Variants in DEPDC1B observed in about 807,000 individuals in gnomAD.
DEPDC1B encodes DEP domain-containing protein 1B.
Under a neutral mutation model 66.5 loss-of-function variants are expected in DEPDC1B, and 51 were observed. The ratio of observed to expected loss-of-function variants is 0.77; its 90% CI spans 0.61 to 0.97. DEPDC1B has a LOEUF of 0.97. DEPDC1B is among the 50% of genes least tolerant of loss of function. The pLI, the probability that DEPDC1B is intolerant of heterozygous loss-of-function variation, is 0.00. For missense variants in DEPDC1B, 552 were observed against 637.1 expected, an observed-to-expected ratio of 0.87 and a Z score of 1.44; for synonymous variants, 226 against 223.6, an observed-to-expected ratio of 1.01 and a Z score of -0.10.
intron 2 of DEPDC1B, among the ~76,000 whole-genome samples, chr5:60,668,085 TTATATATATATATAAAATGGATATTTTA>T: frequency 2.2e-5 from 1 of 45,010 alleles, no homozygotes; most frequent in Non-Finnish European, 3.8e-5. Flanking sequence ...AATGGATATT[TTATATATATATATAAAATGGATATTTTA>T]TATATATATA....
At chr5:60,677,697 C>T (rs1754202436) in intron 2 of DEPDC1B, among the ~76,000 whole-genome samples, 1 of 152,020 alleles carries the variant, frequency 6.6e-6, no homozygotes. Context: ...CACCACTTCA[C>T]CTAACTAAAC....
At position 60,603,415 on chromosome 5, in the gene DEPDC1B, A is replaced by G. The variant is rs762211581; in HGVS notation, c.1218T>C (p.Arg406=). ...CCTGGACTCTTCGTAGATGAGCCAC[A>G]CGCTCCTCTATAGAGGTCTGCAAGG... ...PLALQTSIEE[R]VAHLRRVQIK... Residue 406 remains arginine (R), a synonymous_variant, in exon 9 of 11, where the codon CGT becomes CGC. Coordinates refer to ENST00000265036, the MANE Select transcript of DEPDC1B (RefSeq NM_018369.3). 18 of 1,591,690 alleles carry G rather than the reference A, an allele frequency of 1.1e-5. No individual in the cohort carries two copies. The highest frequency in any genetic ancestry group is 1.5e-5 in the Non-Finnish European group (18 of 1,173,432).
At chr5:60,670,801 A>G (rs1754017785) in intron 2 of DEPDC1B, among the ~76,000 whole-genome samples, 1 of 152,160 alleles carries the variant, frequency 6.6e-6, no homozygotes, top group Non-Finnish European at 1.5e-5. Flanking sequence ...CAGTCTTGTT[A>G]CTCAAAGGGA....
chr5:60,602,776 C>T lies in DEPDC1B; in HGVS notation c.1242+615G>A, dbSNP rs1026594418. Among the ~76,000 whole-genome samples, 8 of 152,150 alleles carry T rather than the reference C, an allele frequency of 5.3e-5. No homozygotes were observed. The South Asian group carries it at 6.2e-4, about 12-fold the overall frequency. On this transcript the variant is annotated intron_variant, in intron 9 of 10. Coordinates refer to ENST00000265036, the MANE Select transcript of DEPDC1B (RefSeq NM_018369.3). ...ATAAAGAAAGAATAGCCCATTTTAA[C>T]GCCTGAGGAAAGAAAGTAAAATCCA...
chr5:60,615,081 A>T (rs930733448), intron 7 of DEPDC1B, among the ~76,000 whole-genome samples: 6 of 152,236 alleles, frequency 3.9e-5, no homozygotes, highest in African/African-American at 1.2e-4. Context: ...TACTTCATGC[A>T]CATACATGAC....
At position 60,654,556 on chromosome 5, in the gene DEPDC1B, G is replaced by A. The variant is rs188105275; in HGVS notation, c.315-7023C>T. Reference sequence around the variant, plus strand: ...AGTCTTTAAGGTTTTCTATGTATACGATCATATCATCAAGAAACAGTGACA... The same window carrying A: ...AGTCTTTAAGGTTTTCTATGTATACAATCATATCATCAAGAAACAGTGACA... On this transcript the variant is annotated intron_variant, in intron 2 of 10. Coordinates refer to ENST00000265036, the MANE Select transcript of DEPDC1B (RefSeq NM_018369.3). Among the ~76,000 whole-genome samples the A allele has an allele frequency of 2.0e-5, 3 of 148,554 alleles. 1 individual carries two copies. Among genetic ancestry groups the A allele is most frequent in the African/African-American group, 2.5e-5 (1 of 39,290 alleles).
At chr5:60,621,284 A>G (rs1287673430) in intron 7 of DEPDC1B, among the ~76,000 whole-genome samples, 1 of 151,790 alleles carries the variant, frequency 6.6e-6, no homozygotes, top group Non-Finnish European at 1.5e-5. Flanking sequence ...CTTAAAGTAT[A>G]ATAATAAAAT....
intron 7 of DEPDC1B, among the ~76,000 whole-genome samples, chr5:60,621,692 T>G (rs1276074564): frequency 6.6e-6 from 1 of 152,038 alleles, no homozygotes. Context: ...CCCTAGAACT[T>G]AAAGTATTAA....
intron 7 of DEPDC1B, among the ~76,000 whole-genome samples, chr5:60,612,609 G>A (rs185230599): frequency 6.6e-6 from 1 of 150,580 alleles, no homozygotes; most frequent in African/African-American, 2.4e-5. Flanking sequence ...TTGTCTGAGG[G>A]TCCTGCAGGG....
At chr5:60,614,408 C>G (rs1752490647) in intron 7 of DEPDC1B, among the ~76,000 whole-genome samples, 1 of 152,020 alleles carries the variant, frequency 6.6e-6, no homozygotes, top group Admixed American at 6.6e-5. Flanking sequence ...TGCTTTATTG[C>G]CTGGGCTAGG....
At chr5:60,614,816 C>T (rs953298951) in intron 7 of DEPDC1B, among the ~76,000 whole-genome samples, 3 of 152,000 alleles carry the variant, frequency 2.0e-5, no homozygotes, top group African/African-American at 7.2e-5. Context: ...CATGGCAAAA[C>T]CCTGTCTCTA....
chr5:60,666,898 G>T (rs1345104060), intron 2 of DEPDC1B, among the ~76,000 whole-genome samples: 1 of 152,176 alleles, frequency 6.6e-6, no homozygotes, highest in Non-Finnish European at 1.5e-5. Flanking sequence ...AGCCATCTTA[G>T]AAGTAAATCT....
intron 7 of DEPDC1B, among the ~76,000 whole-genome samples, chr5:60,613,788 TTG>T (rs36109910): frequency 0.028 from 2,924 of 103,220 alleles, 41 homozygotes; most frequent in South Asian, 0.054. Flanking sequence ...ACATATGTAT[TTG>T]TGTGTGTGTG....
intron 2 of DEPDC1B, among the ~76,000 whole-genome samples, chr5:60,653,068 CAT>C (rs1489719779): frequency 6.7e-6 from 1 of 149,288 alleles, no homozygotes; most frequent in Non-Finnish European, 1.5e-5. Flanking sequence ...CTGCTATAAA[CAT>C]GTGTGTGCAA....
intron 6 of DEPDC1B, among the ~76,000 whole-genome samples, chr5:60,641,500 G>A (rs1327261466): frequency 6.6e-6 from 1 of 151,558 alleles, no homozygotes; most frequent in African/African-American, 2.4e-5. Flanking sequence ...AATTTTTTTT[G>A]TATTTTTAGT....
At chr5:60,644,132 T>C (rs1321228137) in intron 5 of DEPDC1B, among the ~76,000 whole-genome samples, 1 of 152,196 alleles carries the variant, frequency 6.6e-6, no homozygotes, top group Non-Finnish European at 1.5e-5. Flanking sequence ...CACAGAAAGA[T>C]TTAAAATCAG....
chr5:60,635,832 T>C (rs756866911), intron 7 of DEPDC1B, among the ~76,000 whole-genome samples: 3 of 152,196 alleles, frequency 2.0e-5, no homozygotes, highest in Non-Finnish European at 4.4e-5. Context: ...TTCTTAAGGA[T>C]TGGCAATTTA....
At chr5:60,642,138 G>A (rs1401381266) in intron 6 of DEPDC1B, among the ~76,000 whole-genome samples, 2 of 152,110 alleles carry the variant, frequency 1.3e-5, no homozygotes, top group African/African-American at 2.4e-5. Flanking sequence ...TGCTAGTTCC[G>A]TACAAAAGAA....
intron 8 of DEPDC1B, among the ~76,000 whole-genome samples, chr5:60,604,885 T>C (rs1377725262): frequency 2.0e-5 from 3 of 152,160 alleles, no homozygotes; most frequent in Non-Finnish European, 4.4e-5. Flanking sequence ...CAAAAAAATA[T>C]AGAGATCAAG....
Sources: gnomAD v4.1 joint callset for allele counts (sites outside exome capture counted in the v4.1 genomes callset) on GRCh38, gnomAD v4.1.1 for gene constraint, MANE v1.5 for transcripts, NCBI Gene and HGNC (gene_info 2026-07-23, HGNC 2026-07-21) for gene names.